Variants in SPMIP2 observed in about 807,000 individuals in gnomAD.
SPMIP2 encodes the protein sperm microtubule inner protein 2, also known as protein SPMIP2.
At chr4:159,075,489 G>A in the SPMIP2 span, among the ~76,000 whole-genome samples, 1 of 152,120 alleles carries the variant, frequency 6.6e-6, no homozygotes, top group African/African-American at 2.4e-5. Flanking sequence ...CTATAATGAT[G>A]AGAGATTTCT....
At chr4:159,015,561 C>G in the SPMIP2 span, among the ~76,000 whole-genome samples, 6 of 152,072 alleles carry the variant, frequency 3.9e-5, no homozygotes, top group African/African-American at 1.4e-4. Flanking sequence ...TGCCTTTGCA[C>G]ATGTCATATA....
the SPMIP2 span, among the ~76,000 whole-genome samples, chr4:158,944,025 T>C: frequency 1.3e-5 from 2 of 151,968 alleles, no homozygotes; most frequent in African/African-American, 4.8e-5. Context: ...CTGGCTAATT[T>C]TTGTATTTTT....
At chr4:159,014,572 A>C in the SPMIP2 span, among the ~76,000 whole-genome samples, 9 of 152,196 alleles carry the variant, frequency 5.9e-5, no homozygotes, top group African/African-American at 1.9e-4. Context: ...CAGGTTAGTT[A>C]CATATGTATA....
At chr4:158,984,469 T>C in the SPMIP2 span, among the ~76,000 whole-genome samples, 1,176 of 150,798 alleles carry the variant, frequency 7.8e-3, 18 homozygotes, top group African/African-American at 0.027. Context: ...GAACTCAGGA[T>C]TAAGAAACTC....
At chr4:159,029,799 T>A in the SPMIP2 span, among the ~76,000 whole-genome samples, 1 of 152,226 alleles carries the variant, frequency 6.6e-6, no homozygotes, top group Non-Finnish European at 1.5e-5. Context: ...TATAAGCTTC[T>A]AGAAAAGAGA....
chr4:159,028,568 C>T, the SPMIP2 span, among the ~76,000 whole-genome samples: 1 of 152,084 alleles, frequency 6.6e-6, no homozygotes, highest in African/African-American at 2.4e-5. Flanking sequence ...TGGGCTCAAG[C>T]AATCCTCCCA....
At chr4:159,082,307 T>C in the SPMIP2 span, among the ~76,000 whole-genome samples, 1 of 152,022 alleles carries the variant, frequency 6.6e-6, no homozygotes, top group Non-Finnish European at 1.5e-5. Context: ...CACTCCAGCC[T>C]GGGTGACAGA....
chr4:158,994,495 T>A, the SPMIP2 span, among the ~76,000 whole-genome samples: 18 of 152,294 alleles, frequency 1.2e-4, no homozygotes, highest in African/African-American at 4.1e-4. Context: ...GGATGAGAGC[T>A]CACAGTTACA....
chr4:158,988,825 C>A, the SPMIP2 span, among the ~76,000 whole-genome samples: 3 of 152,144 alleles, frequency 2.0e-5, no homozygotes, highest in African/African-American at 7.2e-5. Context: ...AAAACCAGCA[C>A]AAGAATAGGA....
the SPMIP2 span, among the ~76,000 whole-genome samples, chr4:158,910,274 T>C: frequency 6.6e-6 from 1 of 152,064 alleles, no homozygotes; most frequent in Non-Finnish European, 1.5e-5. Flanking sequence ...CAGGTATTTT[T>C]TTTTTCCTTT....
the SPMIP2 span, among the ~76,000 whole-genome samples, chr4:159,010,240 G>A: frequency 6.6e-6 from 1 of 152,154 alleles, no homozygotes. Context: ...TGTTCTAAGG[G>A]AGCTTTGGAT....
At chr4:158,895,030 G>A in the SPMIP2 span, among the ~76,000 whole-genome samples, 22 of 152,094 alleles carry the variant, frequency 1.4e-4, no homozygotes, top group East Asian at 3.8e-4. Flanking sequence ...GAAGATGCTC[G>A]GGTATCTGCC....
At chr4:158,985,668 G>T in the SPMIP2 span, among the ~76,000 whole-genome samples, 3 of 152,080 alleles carry the variant, frequency 2.0e-5, no homozygotes, top group African/African-American at 4.8e-5. Flanking sequence ...CAAACCCACA[G>T]CCAATATCAT....
At chr4:159,076,021 G>A in the SPMIP2 span, among the ~76,000 whole-genome samples, 1 of 152,100 alleles carries the variant, frequency 6.6e-6, no homozygotes, top group Non-Finnish European at 1.5e-5. Flanking sequence ...CTCTAATGAT[G>A]GGGACGGTGG....
the SPMIP2 span, among the ~76,000 whole-genome samples, chr4:158,982,289 C>T: frequency 6.6e-6 from 1 of 151,928 alleles, no homozygotes; most frequent in Non-Finnish European, 1.5e-5. Flanking sequence ...AGTCTAACAC[C>T]CCACCATTAA....
chr4:159,003,270 C>G, the SPMIP2 span, among the ~76,000 whole-genome samples: 1 of 152,142 alleles, frequency 6.6e-6, no homozygotes, highest in Non-Finnish European at 1.5e-5. Flanking sequence ...GGGCCATACT[C>G]CAGCTGAACC....
chr4:159,035,047 T>G, the SPMIP2 span: 14 of 1,612,856 alleles, frequency 8.7e-6, no homozygotes, highest in African/African-American at 1.9e-4. Context: ...AAAAATCATT[T>G]GTTTTCCCAC....
At chr4:158,936,498 GT>G in the SPMIP2 span, among the ~76,000 whole-genome samples, 5 of 152,188 alleles carry the variant, frequency 3.3e-5, no homozygotes, top group Non-Finnish European at 5.9e-5. Context: ...TTCCTTCAAT[GT>G]TTGCTTTCTC....
At chr4:159,040,544 T>C in the SPMIP2 span, among the ~76,000 whole-genome samples, 1 of 151,394 alleles carries the variant, frequency 6.6e-6, no homozygotes, top group African/African-American at 2.4e-5. Flanking sequence ...TAGCTCACTA[T>C]AGCCTCAAAC....
Sources: gnomAD v4.1 joint callset for allele counts (sites outside exome capture counted in the v4.1 genomes callset) on GRCh38, gnomAD v4.1.1 for gene constraint, MANE v1.5 for transcripts, NCBI Gene and HGNC (gene_info 2026-07-23, HGNC 2026-07-21) for gene names.